Variants in RANBP17 observed in about 807,000 individuals in gnomAD.
RANBP17 encodes RAN binding protein 17, also known as ran-binding protein 17.
A neutral mutation model predicts 141.2 loss-of-function variants in RANBP17; 158 were observed. The observed-to-expected ratio is 1.12, with a 90% CI of 0.98 to 1.28. The LOEUF is 1.28. Among genes scored for constraint, RANBP17 ranks in the 50% most tolerant of loss-of-function variants. The probability of loss-of-function intolerance (pLI) is 0.00; values close to 1 mark genes in which losing one functional copy is unlikely to be tolerated. For synonymous variants in RANBP17, 430 were observed against 450.0 expected (o/e 0.96, Z 0.56); for missense variants, 1,438 against 1,290.7 (o/e 1.11, Z -1.75).
chr5:171,242,966 G>A, intron 24 of RANBP17, 146 bp downstream of exon 24: 1 of 728,260 alleles, frequency 1.4e-6, no homozygotes, highest in Non-Finnish European at 2.3e-6. Flanking sequence ...CTTGCAAGTG[G>A]GAAAAATGTA....
chr5:171,103,899 C>T (rs1233281539), intron 14 of RANBP17, among the ~76,000 whole-genome samples: 1 of 152,216 alleles, frequency 6.6e-6, no homozygotes, highest in Non-Finnish European at 1.5e-5. Flanking sequence ...GTGCCCCACC[C>T]ACCCTTCTTC....
chr5:170,905,002 CTT>C (rs1446336863), intron 5 of RANBP17, among the ~76,000 whole-genome samples: 2 of 152,078 alleles, frequency 1.3e-5, no homozygotes, highest in Non-Finnish European at 1.5e-5. Context: ...AATTTGTACA[CTT>C]AACATGTATT....
At chr5:171,215,654 G>A (rs1212203481) in intron 21 of RANBP17, among the ~76,000 whole-genome samples, 1 of 152,168 alleles carries the variant, frequency 6.6e-6, no homozygotes, top group South Asian at 2.1e-4. Flanking sequence ...CTAATGACTA[G>A]TGATGATGAG....
At chr5:171,231,309 T>C (rs371688527) in intron 22 of RANBP17, among the ~76,000 whole-genome samples, 2 of 152,248 alleles carry the variant, frequency 1.3e-5, no homozygotes, top group South Asian at 2.1e-4. Flanking sequence ...CTACCTTTCC[T>C]ATCTCAACAT....
chr5:170,985,529 C>A (rs1778086729), intron 14 of RANBP17, among the ~76,000 whole-genome samples: 1 of 152,078 alleles, frequency 6.6e-6, no homozygotes, highest in African/African-American at 2.4e-5. Flanking sequence ...TGCTCTCATT[C>A]TTCATTCCTT....
chr5:171,071,653 C>CAAAAAAAAAAAAAAAAAAA (rs34555837), intron 14 of RANBP17, among the ~76,000 whole-genome samples: 3 of 69,614 alleles, frequency 4.3e-5, no homozygotes, highest in African/African-American at 5.9e-5. Flanking sequence ...CAGCTTTATG[C>CAAAAAAAAAAAAAAAAAAA]AAAAAAAAAA....
At chr5:171,266,326 C>G (rs1766675964) in intron 25 of RANBP17, among the ~76,000 whole-genome samples, 1 of 152,094 alleles carries the variant, frequency 6.6e-6, no homozygotes, top group African/African-American at 2.4e-5. Flanking sequence ...AATGAGAAAT[C>G]TTGGTTCAGA....
intron 25 of RANBP17, among the ~76,000 whole-genome samples, chr5:171,281,182 C>G (rs1767838244): frequency 6.6e-6 from 1 of 152,110 alleles, no homozygotes; most frequent in African/African-American, 2.4e-5. Context: ...ACATTGGTAC[C>G]ATGGAAAAGG....
chr5:171,012,077 G>A (rs201307704), intron 14 of RANBP17, among the ~76,000 whole-genome samples: 2 of 25,078 alleles, frequency 8.0e-5, no homozygotes, highest in Non-Finnish European at 1.5e-4. Context: ...CGAATATATT[G>A]TTTGTTTATT....
At position 171,014,379 on chromosome 5, in the gene RANBP17, A is replaced by G. The variant is rs1780289810; in HGVS notation, c.1710+46002A>G. 2.6e-5 allele frequency among the ~76,000 whole-genome samples: 4 copies of G among 151,818 alleles called. No individual in the cohort carries two copies. In the South Asian group the frequency reaches 8.3e-4, roughly 32 times the overall value. On this transcript the variant is annotated intron_variant, in intron 14 of 27. Transcript: ENST00000523189. ...ACTGTTTTCCCTTTTTATCTGTTTTATTCAATGGATTTTTGCCTTTCTTTG... is the reference window on the plus strand; with the variant it reads ...ACTGTTTTCCCTTTTTATCTGTTTTGTTCAATGGATTTTTGCCTTTCTTTG...
At chr5:170,871,636 G>A (rs1435990283) in intron 1 of RANBP17, among the ~76,000 whole-genome samples, 1 of 152,120 alleles carries the variant, frequency 6.6e-6, no homozygotes, top group Non-Finnish European at 1.5e-5. Flanking sequence ...TTTTCTTCTA[G>A]AGCTTTTATG....
rs149220017 is a variant in RANBP17, at chr5:170,927,512, C to CT, written c.1468+2971dup. On this transcript the variant is annotated intron_variant, in intron 12 of 27. Transcript: ENST00000523189. ...TAAATTTACATAAGAGCCATTTGGCCTTTTTTTTTGTAAATGAACAATTCA... is the reference window on the plus strand; with the variant it reads ...TAAATTTACATAAGAGCCATTTGGCCTTTTTTTTTTGTAAATGAACAATTCA... 6.1e-3 allele frequency among the ~76,000 whole-genome samples: 921 copies of CT among 150,566 alleles called. 8 individuals carry two copies. Among genetic ancestry groups the CT allele is most frequent in the South Asian group, 0.022 (102 of 4,726 alleles).
chr5:170,991,785 AC>A (rs1778526512), intron 14 of RANBP17, among the ~76,000 whole-genome samples: 1 of 152,046 alleles, frequency 6.6e-6, no homozygotes, highest in Non-Finnish European at 1.5e-5. Flanking sequence ...GTTCAAAAAA[AC>A]ATAGCTGCTG....
intron 1 of RANBP17, among the ~76,000 whole-genome samples, chr5:170,871,516 G>A (rs1168523287): frequency 1.3e-5 from 2 of 152,116 alleles, no homozygotes; most frequent in Non-Finnish European, 2.9e-5. Flanking sequence ...CTATGTAGAA[G>A]CTCTTTAATT....
At chr5:171,051,603 T>A (rs552202750) in intron 14 of RANBP17, among the ~76,000 whole-genome samples, 2 of 152,340 alleles carry the variant, frequency 1.3e-5, no homozygotes, top group East Asian at 3.9e-4. Context: ...ATATTTCACT[T>A]TATGGCTATT....
At chr5:170,914,704 A>G (rs1289658133) in intron 8 of RANBP17, among the ~76,000 whole-genome samples, 1 of 152,184 alleles carries the variant, frequency 6.6e-6, no homozygotes, top group East Asian at 1.9e-4. Context: ...AATTGTGTTC[A>G]TCAAGCCAGT....
intron 12 of RANBP17, among the ~76,000 whole-genome samples, chr5:170,946,676 T>C (rs1311983315): frequency 6.6e-6 from 1 of 152,122 alleles, no homozygotes; most frequent in Non-Finnish European, 1.5e-5. Context: ...TCAGTATATA[T>C]TGTCGATTTA....
chr5:171,161,359 CT>C (rs1759340252), intron 14 of RANBP17: 1 of 187,848 alleles, frequency 5.3e-6, no homozygotes. Flanking sequence ...GCCTTTTGCT[CT>C]TATTTCTGGT....
intron 22 of RANBP17, among the ~76,000 whole-genome samples, chr5:171,234,132 T>C (rs1294422680): frequency 6.6e-6 from 1 of 151,970 alleles, no homozygotes; most frequent in Non-Finnish European, 1.5e-5. Context: ...GTGGTCAAGG[T>C]AGGTCTCATT....
Sources: allele counts gnomAD v4.1 joint callset (sites outside exome capture counted in the v4.1 genomes callset), GRCh38; gene constraint gnomAD v4.1.1; transcripts MANE v1.5; gene names NCBI Gene and HGNC (gene_info 2026-07-23, HGNC 2026-07-21).